Variants in RNF150 observed in about 807,000 individuals in gnomAD.
RNF150 encodes ring finger protein 150.
RNF150 carries 24 observed loss-of-function variants against 39.3 expected under a neutral mutation model. The observed-to-expected ratio is 0.61, with a 90% CI of 0.44 to 0.86. The LOEUF is 0.86. RNF150 is among the 40% of genes least tolerant of loss of function. The pLI is 0.00. For synonymous variants in RNF150, 255 were observed against 227.3 expected, an observed-to-expected ratio of 1.12 and a Z score of -1.10; for missense variants, 502 against 587.8, an observed-to-expected ratio of 0.85 and a Z score of 1.51.
intron 1 of RNF150, among the ~76,000 whole-genome samples, chr4:141,047,355 G>A (rs564310166): frequency 1.3e-5 from 2 of 152,110 alleles, no homozygotes; most frequent in Non-Finnish European, 2.9e-5. Flanking sequence ...CTGTCAACAG[G>A]ATTTCCATTT....
chr4:140,893,502 G>A (rs1429466422), intron 6 of RNF150, among the ~76,000 whole-genome samples: 2 of 152,202 alleles, frequency 1.3e-5, no homozygotes, highest in African/African-American at 2.4e-5. Context: ...CCTAGACTGA[G>A]CAGCGAGCTC....
chr4:141,177,406 A>C (rs1447406362), intron 1 of RNF150, among the ~76,000 whole-genome samples: 4 of 152,044 alleles, frequency 2.6e-5, no homozygotes. Flanking sequence ...TTGGTGTAGA[A>C]TGTAAATTTG....
chr4:141,191,792 T>C (rs1195827142), intron 1 of RNF150, among the ~76,000 whole-genome samples: 4 of 152,238 alleles, frequency 2.6e-5, no homozygotes, highest in Non-Finnish European at 1.5e-5. Context: ...CCTGGCTTTG[T>C]GCCCATTGAA....
intron 1 of RNF150, among the ~76,000 whole-genome samples, chr4:141,002,318 A>G (rs1734696300): frequency 6.6e-6 from 1 of 152,080 alleles, no homozygotes; most frequent in Non-Finnish European, 1.5e-5. Flanking sequence ...ACACCAGGAC[A>G]GGTTATCTGG....
At chr4:140,999,525 A>C (rs1734497017) in intron 1 of RNF150, among the ~76,000 whole-genome samples, 1 of 152,182 alleles carries the variant, frequency 6.6e-6, no homozygotes, top group South Asian at 2.1e-4. Flanking sequence ...CTTTAATGAC[A>C]ATGAAGTTAG....
intron 6 of RNF150, among the ~76,000 whole-genome samples, chr4:140,900,561 A>C (rs1560955484): frequency 6.6e-6 from 1 of 152,212 alleles, no homozygotes; most frequent in Non-Finnish European, 1.5e-5. Flanking sequence ...TGGTAATTGA[A>C]GACGAGCAAG....
intron 1 of RNF150, among the ~76,000 whole-genome samples, chr4:141,006,286 G>GTA (rs1258054799): frequency 7.6e-4 from 96 of 127,110 alleles, no homozygotes; most frequent in African/African-American, 2.4e-3. Context: ...ACATATATAC[G>GTA]TATATATATA....
intron 6 of RNF150, among the ~76,000 whole-genome samples, chr4:140,900,974 T>G (rs1219045159): frequency 2.0e-5 from 3 of 152,162 alleles, no homozygotes; most frequent in African/African-American, 7.2e-5. Context: ...GACCAAGATT[T>G]GGGTCCAGAT....
intron 1 of RNF150, among the ~76,000 whole-genome samples, chr4:141,085,610 A>G (rs1302151666): frequency 1.3e-5 from 2 of 152,204 alleles, no homozygotes; most frequent in Admixed American, 1.3e-4. Context: ...GGGATCAAAG[A>G]TAAGTCCTCC....
At chr4:141,045,241 G>A (rs1228168054) in intron 1 of RNF150, among the ~76,000 whole-genome samples, 2 of 152,216 alleles carry the variant, frequency 1.3e-5, no homozygotes, top group East Asian at 3.9e-4. Flanking sequence ...ACACCTGGAA[G>A]GTCATGCCAA....
rs1366409696 is a variant in RNF150 at position 140,863,063 on chromosome 4, C to T, written c.*5198G>A. ...CCCCATCTTAAGAGGGTAGTCTCTT[C>T]GTGTCTCTTTGTCAGTCTTCAGGAA... On this transcript the variant is annotated 3_prime_UTR_variant, in exon 7 of 7. Transcript: ENST00000515673. 6.6e-6 allele frequency: 1 copy of T among 152,076 alleles called. No individual in the cohort carries two copies. The highest frequency in any genetic ancestry group is 1.5e-5 in the Non-Finnish European group (1 of 68,020). 9.4% of individuals were successfully genotyped at this position (152,076 alleles called of 1,614,324 possible). A position where few individuals can be genotyped will look rare whatever the true frequency, so the allele number is the denominator to read the frequency against.
At chr4:141,102,994 T>A (rs1479871063) in intron 1 of RNF150, among the ~76,000 whole-genome samples, 3 of 152,248 alleles carry the variant, frequency 2.0e-5, no homozygotes, top group Admixed American at 6.5e-5. Context: ...CTTCCATCTG[T>A]CAGGTGCTTT....
intron 1 of RNF150, among the ~76,000 whole-genome samples, chr4:141,173,004 C>G (rs1727755797): frequency 6.7e-6 from 1 of 149,982 alleles, no homozygotes; most frequent in Admixed American, 6.7e-5. Context: ...TCAGCCTGGG[C>G]AACAAGAGTG....
intron 6 of RNF150, among the ~76,000 whole-genome samples, chr4:140,897,732 C>T (rs1730015358): frequency 6.6e-6 from 1 of 152,176 alleles, no homozygotes. Flanking sequence ...CCTTCACCTT[C>T]TCTTCTATAC....
At chr4:140,869,569 C>A (rs1728848941) in intron 6 of RNF150, among the ~76,000 whole-genome samples, 1 of 152,088 alleles carries the variant, frequency 6.6e-6, no homozygotes, top group Admixed American at 6.6e-5. Context: ...GTCTGGTGGG[C>A]AGGTTGACCA....
At chr4:140,907,143 A>G (rs2303412) in intron 6 of RNF150, among the ~76,000 whole-genome samples, 14,824 of 152,132 alleles carry the variant, frequency 0.097, 796 homozygotes, top group Admixed American at 0.14. Context: ...AAACCCAACA[A>G]TCTGCATCCT....
At chr4:140,923,709 T>C (rs1283247800) in intron 5 of RNF150, among the ~76,000 whole-genome samples, 16 of 152,180 alleles carry the variant, frequency 1.1e-4, no homozygotes, top group Non-Finnish European at 4.4e-5. Flanking sequence ...TAGCAAAGAT[T>C]TGGAACCAAC....
chr4:141,010,931 G>A (rs548424794), intron 1 of RNF150, among the ~76,000 whole-genome samples: 29 of 152,196 alleles, frequency 1.9e-4, no homozygotes, highest in African/African-American at 6.5e-4. Flanking sequence ...TTTCCAAAGC[G>A]CAGGCTCCCT....
intron 1 of RNF150, among the ~76,000 whole-genome samples, chr4:141,090,801 T>TTTTTTGTTTTG (rs1738551922): frequency 1.3e-5 from 2 of 152,154 alleles, no homozygotes; most frequent in Non-Finnish European, 2.9e-5. Context: ...GGCCAATGGT[T>TTTTTTGTTTTG]TTTTGTTTTG....
Sources: allele counts gnomAD v4.1 joint callset (sites outside exome capture counted in the v4.1 genomes callset), GRCh38; gene constraint gnomAD v4.1.1; transcripts MANE v1.5; gene names NCBI Gene and HGNC (gene_info 2026-07-23, HGNC 2026-07-21).